Variants in MCTP1 observed in about 807,000 individuals in gnomAD.
MCTP1 encodes the protein multiple C2 and transmembrane domain-containing protein 1.
Under a neutral mutation model 120.6 loss-of-function variants are expected in MCTP1, and 69 were observed. The observed-to-expected ratio is 0.57, with a 90% CI of 0.47 to 0.70. The LOEUF (loss-of-function observed/expected upper bound fraction) is 0.70. Among genes scored for constraint, MCTP1 ranks in the 30% least tolerant of loss-of-function variants. The pLI is 0.00. For synonymous variants in MCTP1, 529 were observed against 493.1 expected (o/e 1.07, Z -0.96); for missense variants, 1,203 against 1,248.8 (o/e 0.96, Z 0.55).
In MCTP1 at chr5:95,081,121, C is replaced by T. The variant is rs568542450; in HGVS notation, c.721-63637G>A. On this transcript the variant is annotated intron_variant, in intron 1 of 22. Coordinates refer to ENST00000515393, the MANE Select transcript of MCTP1 (RefSeq NM_024717.7). ...TAAGAAACTAAGAACCTGGTAACTACTAAATCCTTCAAGAAAACAAAACAA... is the reference window on the plus strand; with the variant it reads ...TAAGAAACTAAGAACCTGGTAACTATTAAATCCTTCAAGAAAACAAAACAA... Among the ~76,000 whole-genome samples the T allele has an allele frequency of 5.3e-4, 81 of 152,170 alleles. No individual in the cohort carries two copies. In the South Asian group the frequency reaches 9.3e-3, roughly 18 times the overall value.
At chr5:95,105,520 A>T (rs1040048928) in intron 1 of MCTP1, among the ~76,000 whole-genome samples, 2 of 152,132 alleles carry the variant, frequency 1.3e-5, no homozygotes, top group Admixed American at 1.3e-4. Context: ...AGTACATTTT[A>T]AAAGGGTCCT....
intron 8 of MCTP1, among the ~76,000 whole-genome samples, chr5:94,914,473 A>G (rs1343782339): frequency 1.3e-5 from 2 of 152,264 alleles, no homozygotes; most frequent in African/African-American, 4.8e-5. Context: ...TGAAAACTAC[A>G]TTCTTCAAAA....
intron 1 of MCTP1, among the ~76,000 whole-genome samples, chr5:95,049,707 A>T (rs1745412265): frequency 6.6e-6 from 1 of 152,176 alleles, no homozygotes; most frequent in Non-Finnish European, 1.5e-5. Flanking sequence ...ATCCTTTACC[A>T]TGATGCGCAG....
intron 10 of MCTP1, among the ~76,000 whole-genome samples, chr5:94,903,596 A>G (rs1806069347): frequency 6.6e-6 from 1 of 152,150 alleles, no homozygotes; most frequent in Non-Finnish European, 1.5e-5. Context: ...ATCATATACC[A>G]TTAATAAGAA....
At chr5:95,255,141 T>C (rs375879884) in intron 1 of MCTP1, among the ~76,000 whole-genome samples, 29 of 152,280 alleles carry the variant, frequency 1.9e-4, no homozygotes, top group East Asian at 1.7e-3. Flanking sequence ...TTGATAAGGG[T>C]TGCAGGAGTT....
Position 95,178,073 on chromosome 5 carries a change from C to T in MCTP1, c.720+105783G>A, listed in dbSNP as rs540219792. Among the ~76,000 whole-genome samples, 23 of 152,246 alleles carry T rather than the reference C, an allele frequency of 1.5e-4. No homozygotes were observed. In the South Asian group the frequency reaches 3.1e-3, roughly 21 times the overall value. On this transcript the variant is annotated intron_variant, in intron 1 of 22. Coordinates refer to ENST00000515393, the MANE Select transcript of MCTP1 (RefSeq NM_024717.7). ...GGAACTGGGTGAGGCCTGTGACTGC[C>T]GTCTTTCCCCCACTTCCCTGGTGAC...
chr5:94,882,456 CCTCT>C (rs1463253260), intron 12 of MCTP1, among the ~76,000 whole-genome samples: 8 of 151,570 alleles, frequency 5.3e-5, no homozygotes, highest in Admixed American at 4.6e-4. Flanking sequence ...AAATCTAGAT[CCTCT>C]CTATTTGTAG....
At chr5:94,982,216 A>C (rs182200535) in intron 2 of MCTP1, among the ~76,000 whole-genome samples, 9 of 152,316 alleles carry the variant, frequency 5.9e-5, no homozygotes, top group Admixed American at 4.6e-4. Context: ...ATATCCTTTA[A>C]AATTTAGATT....
At chr5:94,825,041 A>G (rs539677812) in intron 17 of MCTP1, among the ~76,000 whole-genome samples, 1 of 152,248 alleles carries the variant, frequency 6.6e-6, no homozygotes, top group South Asian at 2.1e-4. Context: ...TATCTCCTGC[A>G]GTTCTGCTCT....
chr5:95,183,096 A>G (rs915328783), intron 1 of MCTP1, among the ~76,000 whole-genome samples: 3 of 152,048 alleles, frequency 2.0e-5, no homozygotes, highest in African/African-American at 7.2e-5. Context: ...ATAAGGACAG[A>G]TGAATATATC....
intron 17 of MCTP1, among the ~76,000 whole-genome samples, chr5:94,852,373 A>C (rs1054037656): frequency 6.6e-5 from 10 of 151,854 alleles, no homozygotes; most frequent in African/African-American, 2.4e-4. Flanking sequence ...AGACCTTATT[A>C]TTATTTAGCT....
chr5:94,917,955 G>A lies in MCTP1; in HGVS notation c.1291C>T (p.Leu431Phe), dbSNP rs1409452211. ...LFWRTCGRPA[L>F]PVLGFCRAEL... ...GCTCTGCAGAAGCCCAGGACAGGAA[G>A]AGCTGGCCTGCCGCACGTCTGGATG... Residue 431 changes from leucine to phenylalanine, a missense_variant, in exon 8 of 23, where the codon CTT becomes TTT. This residue lies in a region of MCTP1 where 740 missense variants were observed against 871.1 expected (regional missense o/e 0.85). Transcript: ENST00000515393. The A allele has an allele frequency of 6.2e-7, 1 of 1,613,966 alleles. No homozygotes were observed. The highest frequency in any genetic ancestry group is 8.5e-7 in the Non-Finnish European group (1 of 1,179,828).
chr5:94,798,891 C>A, intron 18 of MCTP1, 122 bp downstream of exon 18: 1 of 1,015,166 alleles, frequency 9.9e-7, no homozygotes, highest in South Asian at 1.7e-5. Context: ...TAAAACTTTC[C>A]TCTAAACTTG....
intron 6 of MCTP1, among the ~76,000 whole-genome samples, chr5:94,927,700 T>G (rs1356981711): frequency 6.6e-6 from 1 of 152,188 alleles, no homozygotes; most frequent in Non-Finnish European, 1.5e-5. Flanking sequence ...TCTCCACCGT[T>G]AGTTAAATTA....
At chr5:95,248,800 T>C (rs1757082157) in intron 1 of MCTP1, among the ~76,000 whole-genome samples, 2 of 152,172 alleles carry the variant, frequency 1.3e-5, no homozygotes, top group Non-Finnish European at 2.9e-5. Flanking sequence ...CAAAACAGGA[T>C]GGTATGGTAC....
intron 1 of MCTP1, among the ~76,000 whole-genome samples, chr5:95,225,966 T>C (rs1290590486): frequency 1.3e-5 from 2 of 152,208 alleles, no homozygotes; most frequent in African/African-American, 4.8e-5. Flanking sequence ...CCCTATTCCC[T>C]AAGAGATGGA....
At chr5:94,943,702 A>T (rs1352566981) in intron 3 of MCTP1, among the ~76,000 whole-genome samples, 2 of 152,106 alleles carry the variant, frequency 1.3e-5, no homozygotes, top group African/African-American at 4.8e-5. Context: ...ACAAATTCTG[A>T]TAAGTGTTTT....
intron 1 of MCTP1, among the ~76,000 whole-genome samples, chr5:95,104,765 G>T (rs1756972427): frequency 6.6e-6 from 1 of 152,038 alleles, no homozygotes; most frequent in African/African-American, 2.4e-5. Context: ...CATAACAAAA[G>T]ACAGTTTTCA....
chr5:94,924,091 C>T, intron 6 of MCTP1, 70 bp from the exon 7 acceptor site: 1 of 890,298 alleles, frequency 1.1e-6, no homozygotes, highest in Non-Finnish European at 1.7e-6. Context: ...TAAATACAAA[C>T]AAATAAAATC....
Sources: allele counts gnomAD v4.1 joint callset (sites outside exome capture counted in the v4.1 genomes callset), GRCh38; gene constraint gnomAD v4.1.1; regional missense constraint gnomAD v4.1.1; transcripts MANE v1.5; gene names NCBI Gene and HGNC (gene_info 2026-07-23, HGNC 2026-07-21).